The following GIMAP2 variants were observed in gnomAD, a reference collection of about 807,000 sequenced individuals.
GIMAP2 encodes the protein GTPase, IMAP family member 2, also known as GTPase IMAP family member 2.
In GIMAP2, 22 loss-of-function variants were observed where a neutral mutation model predicts 25.5. That is an observed-to-expected ratio of 0.86 (90% CI 0.62 to 1.23). The LOEUF is 1.23. GIMAP2 is among the 50% of genes most tolerant of loss of function. The probability of loss-of-function intolerance (pLI) is 0.00; values close to 1 mark genes in which losing one functional copy is unlikely to be tolerated. For missense variants in GIMAP2, 422 were observed against 395.7 expected (o/e 1.07, Z -0.56); for synonymous variants, 167 against 143.0 (o/e 1.17, Z -1.20).
At position 150,693,325 on chromosome 7, in the gene GIMAP2, T is replaced by G. The variant is rs1417905625; in HGVS notation, c.*25T>G. The G allele has an allele frequency of 9.7e-6, 14 of 1,442,674 alleles. No individual in the cohort carries two copies. The highest frequency in any genetic ancestry group is 2.3e-5 in the East Asian group (1 of 43,972). The allele number at this position is 1,442,674 out of a possible 1,614,324, so 89.4% of individuals were successfully genotyped here. On this transcript the variant is annotated 3_prime_UTR_variant, in exon 3 of 3. Coordinates refer to ENST00000223293, the MANE Select transcript of GIMAP2 (RefSeq NM_015660.3). ...GTTACAGATCCCAGTTATTATTTAC[T>G]CACTATCATTTAGTGGGTGAATCAC...
chr7:150,687,258 T>TTTTGTTTG lies in GIMAP2; in HGVS notation c.28+174_28+175insGTTTGTTT, dbSNP rs1378346398. ...AGCAGCTGAAAATTGTGGGGTTTTG[T>TTTTGTTTG]TTTCTTTGTTTGTTTGTTTGTTTGT... On this transcript the variant is annotated intron_variant, in intron 2 of 2. Coordinates refer to ENST00000223293, the MANE Select transcript of GIMAP2 (RefSeq NM_015660.3). The TTTTGTTTG allele has an allele frequency of 2.5e-3, 1,252 of 494,996 alleles. 6 individuals are homozygous for TTTTGTTTG. The highest frequency in any genetic ancestry group is 3.7e-3 in the Non-Finnish European group (1,041 of 285,112). 30.7% of individuals were successfully genotyped at this position (494,996 alleles called of 1,614,324 possible). A position where few individuals can be genotyped will look rare whatever the true frequency, so the allele number is the denominator to read the frequency against.
rs778464004 is a variant in GIMAP2, at chr7:150,693,041, G to T, written c.755G>T (p.Ser252Ile). The change falls in exon 3 of 3, where the codon AGT becomes ATT. Residue 252 changes from serine (S) to isoleucine (I), a missense_variant. Coordinates refer to ENST00000223293, the MANE Select transcript of GIMAP2 (RefSeq NM_015660.3). ...ATAAAGTACATGGAAACTCAAAGAA[G>T]TTACACAGCCTTGGCTGAAGCAAAC... ...SLIKYMETQR[S>I]YTALAEANCL... 31 of 1,614,046 alleles carry T rather than the reference G, an allele frequency of 1.9e-5. No homozygotes were observed. The highest frequency in any genetic ancestry group is 2.6e-5 in the Non-Finnish European group (31 of 1,180,010).
intron 2 of GIMAP2, among the ~76,000 whole-genome samples, chr7:150,688,106 T>C (rs1343462744): frequency 1.3e-5 from 2 of 152,180 alleles, no homozygotes; most frequent in East Asian, 1.9e-4. Flanking sequence ...CTGACTCTTA[T>C]TATGCAATCT....
chr7:150,691,909 C>A (rs1176363461), intron 2 of GIMAP2, among the ~76,000 whole-genome samples: 1 of 152,176 alleles, frequency 6.6e-6, no homozygotes, highest in East Asian at 1.9e-4. Flanking sequence ...TTTTACATAA[C>A]GGGGAATACC....
At chr7:150,687,992 G>C (rs1386722797) in intron 2 of GIMAP2, among the ~76,000 whole-genome samples, 1 of 152,128 alleles carries the variant, frequency 6.6e-6, no homozygotes, top group African/African-American at 2.4e-5. Flanking sequence ...CCTCACCTGT[G>C]AGAAATAGGA....
intron 2 of GIMAP2, 78 bp from the exon 3 acceptor site, chr7:150,692,237 A>G (rs1796973544): frequency 7.2e-7 from 1 of 1,389,140 alleles, no homozygotes; most frequent in Admixed American, 2.6e-5. Context: ...AAAAAAAAGA[A>G]AAAGAAATGA....
Position 150,693,587 on chromosome 7 carries a change from AT to A in GIMAP2, c.*290del, listed in dbSNP as rs2116509893. The A allele has an allele frequency of 3.7e-6, 1 of 272,232 alleles. No homozygotes were observed. The highest frequency in any genetic ancestry group is 7.6e-5 in the East Asian group (1 of 13,096). The allele number at this position is 272,232 out of a possible 1,614,324, so 16.9% of individuals were successfully genotyped here. The stretch of plus-strand genomic sequence containing the variant: ...TCATTTTCTTCTTTCTAGTACTACT[AT>A]TTCTACTGAATATAATGAAAATGGC... On this transcript the variant is annotated 3_prime_UTR_variant, in exon 3 of 3. Transcript: ENST00000223293.
At chr7:150,690,360 A>C (rs1432603929) in intron 2 of GIMAP2, among the ~76,000 whole-genome samples, 2 of 152,152 alleles carry the variant, frequency 1.3e-5, no homozygotes, top group Non-Finnish European at 2.9e-5. Flanking sequence ...GAAGTTTTCC[A>C]TTCTTCTGAG....
At chr7:150,688,861 G>A (rs1395800013) in intron 2 of GIMAP2, among the ~76,000 whole-genome samples, 6 of 152,296 alleles carry the variant, frequency 3.9e-5, no homozygotes, top group Admixed American at 1.3e-4. Context: ...CAGGCTTCCC[G>A]CCAGAGGCTG....
chr7:150,690,260 G>A lies in GIMAP2; in HGVS notation c.29-2055G>A, dbSNP rs531572938. On this transcript the variant is annotated intron_variant, in intron 2 of 2. Transcript: ENST00000223293. ...TCAAGATGCCATCTCCTTGCCCTGG[G>A]ACCTCCCTAGGTGACAGTTTGCAGT... Among the ~76,000 whole-genome samples, 17 of 152,228 alleles carry A rather than the reference G, an allele frequency of 1.1e-4. No individual in the cohort carries two copies. In the South Asian group the frequency reaches 3.5e-3, roughly 32 times the overall value.
At chr7:150,690,019 A>G (rs974844177) in intron 2 of GIMAP2, among the ~76,000 whole-genome samples, 2 of 152,354 alleles carry the variant, frequency 1.3e-5, no homozygotes, top group East Asian at 3.9e-4. Flanking sequence ...TAACATTATT[A>G]GGAACTTTGC....
chr7:150,686,302 C>T (rs1346314055), intron 1 of GIMAP2, among the ~76,000 whole-genome samples: 1 of 151,904 alleles, frequency 6.6e-6, no homozygotes, highest in Non-Finnish European at 1.5e-5. Flanking sequence ...AAAGACTCAA[C>T]ATGAGGGAGG....
chr7:150,692,890 AT>A lies in GIMAP2; in HGVS notation c.606del (p.Ile202MetfsTer5), dbSNP rs1276932151. 1 of 1,614,216 alleles carries A rather than the reference AT, an allele frequency of 6.2e-7. No individual in the cohort carries two copies. Among genetic ancestry groups the A allele is most frequent in the Admixed American group, 1.7e-5 (1 of 60,030 alleles). ...CCAAGTGAAGGAACTAATGGACTGTATTGAGGATCTGTTGATGGAGAAAAAT... is the reference window on the plus strand; with the variant it reads ...CCAAGTGAAGGAACTAATGGACTGTATGAGGATCTGTTGATGGAGAAAAAT... ...DDQVKELMDC[I>X]EDLLMEKNGD... is the part of the protein sequence containing the mutation. On this transcript the variant is annotated frameshift_variant, in exon 3 of 3. Coordinates refer to ENST00000223293, the MANE Select transcript of GIMAP2 (RefSeq NM_015660.3). LOFTEE classifies it high-confidence loss of function.
In GIMAP2 at chr7:150,692,418, G is replaced by C; in HGVS notation, c.132G>C (p.Arg44Ser). 6.2e-7 allele frequency: 1 copy of C among 1,614,228 alleles called. No individual in the cohort carries two copies. Residue 44 changes from arginine to serine, a missense_variant, in exon 3 of 3, where the codon AGG (arginine) becomes AGC (serine). Coordinates refer to ENST00000223293, the MANE Select transcript of GIMAP2 (RefSeq NM_015660.3). The part of the protein sequence containing the change: ...GKSAAGNSIL[R>S]KQAFESKLGS... ...GTGCTGCAGGGAACAGCATCCTCAGGAAGCAAGCATTTGAATCGAAGCTGG... is the reference window on the plus strand; with the variant it reads ...GTGCTGCAGGGAACAGCATCCTCAGCAAGCAAGCATTTGAATCGAAGCTGG...
chr7:150,692,769 C>T lies in GIMAP2; in HGVS notation c.483C>T (p.His161=), dbSNP rs754857410. The T allele has an allele frequency of 2.2e-5, 36 of 1,614,050 alleles. No individual in the cohort carries two copies. The highest frequency in any genetic ancestry group is 6.7e-5 in the African/African-American group (5 of 74,892). ...LNGGSLMDYM[H]DSDNKALSKL... is the part of the protein sequence containing the mutation. ...GTGGCTCCCTGATGGATTACATGCA[C>T]GACTCAGATAACAAAGCCCTAAGCA... Residue 161 remains histidine, a synonymous_variant, in exon 3 of 3, where the codon CAC becomes CAT. Coordinates refer to ENST00000223293, the MANE Select transcript of GIMAP2 (RefSeq NM_015660.3).
At chr7:150,687,681 G>T (rs781618841) in intron 2 of GIMAP2, among the ~76,000 whole-genome samples, 1 of 151,672 alleles carries the variant, frequency 6.6e-6, no homozygotes, top group Non-Finnish European at 1.5e-5. Flanking sequence ...CTACCATTCA[G>T]TCTTCTCTTC....
rs17173567 is a variant in GIMAP2 at position 150,692,741 on chromosome 7, A to G, written c.455A>G (p.Asn152Ser). ...IVLFTHKEDLNGGSLMDYMHD... is the reference protein window; with the variant it reads ...IVLFTHKEDLSGGSLMDYMHD... ...CTCTTTACCCACAAGGAAGACCTCAATGGTGGCTCCCTGATGGATTACATG... is the reference window on the plus strand; with the variant it reads ...CTCTTTACCCACAAGGAAGACCTCAGTGGTGGCTCCCTGATGGATTACATG... Residue 152 changes from asparagine to serine, a missense_variant, in exon 3 of 3, where the codon AAT becomes AGT. Physicochemically the swap from Asn to Ser is conservative, Grantham distance 46. Coordinates refer to ENST00000223293, the MANE Select transcript of GIMAP2 (RefSeq NM_015660.3). 3,579 of 1,614,192 alleles carry G rather than the reference A, an allele frequency of 2.2e-3. 49 individuals carry two copies. In the African/African-American group the frequency reaches 0.038, roughly 17 times the overall value.
chr7:150,690,779 G>A (rs1272051539), intron 2 of GIMAP2, among the ~76,000 whole-genome samples: 1 of 152,206 alleles, frequency 6.6e-6, no homozygotes, highest in Admixed American at 6.5e-5. Context: ...TTCTCCAGAT[G>A]AAGAGAAATT....
Position 150,693,463 on chromosome 7 carries a change from G to C in GIMAP2, c.*163G>C. The C allele has an allele frequency of 1.9e-6, 1 of 523,148 alleles. No homozygotes were observed. The highest frequency in any genetic ancestry group is 3.7e-5 in the Admixed American group (1 of 26,676). 32.4% of individuals were successfully genotyped at this position (523,148 alleles called of 1,614,324 possible). A position where few individuals can be genotyped will look rare whatever the true frequency, so the allele number is the denominator to read the frequency against. Reference sequence around the variant, plus strand: ...GAACCAAATCATACGATAAGTTACTGTTTGCATTGAAATATAATATCAAAG... The same window carrying C: ...GAACCAAATCATACGATAAGTTACTCTTTGCATTGAAATATAATATCAAAG... On this transcript the variant is annotated 3_prime_UTR_variant, in exon 3 of 3. Coordinates refer to ENST00000223293, the MANE Select transcript of GIMAP2 (RefSeq NM_015660.3).
Sources: allele counts gnomAD v4.1 joint callset (sites outside exome capture counted in the v4.1 genomes callset), GRCh38; gene constraint gnomAD v4.1.1; transcripts MANE v1.5; gene names NCBI Gene and HGNC (gene_info 2026-07-23, HGNC 2026-07-21).